Variants in CCSER1 observed in about 807,000 individuals in gnomAD.
The protein encoded by CCSER1 is coiled-coil serine rich protein 1, also known as serine-rich coiled-coil domain-containing protein 1.
A neutral mutation model predicts 82.0 loss-of-function variants in CCSER1; 41 were observed. The ratio of observed to expected loss-of-function variants is 0.50; its 90% CI spans 0.39 to 0.65. The LOEUF (loss-of-function observed/expected upper bound fraction) is 0.65. CCSER1 is among the 30% of genes least tolerant of loss of function. The pLI, the probability that CCSER1 is intolerant of heterozygous loss-of-function variation, is 0.00. For synonymous variants in CCSER1, 414 were observed against 383.9 expected (o/e 1.08, Z -0.92); for missense variants, 1,119 against 1,064.2 (o/e 1.05, Z -0.72).
At chr4:90,968,420 T>A (rs1734776376) in intron 9 of CCSER1, among the ~76,000 whole-genome samples, 1 of 152,006 alleles carries the variant, frequency 6.6e-6, no homozygotes, top group East Asian at 1.9e-4. Context: ...TGCAAACCTC[T>A]GAAGACTGTA....
chr4:90,154,242 C>G (rs541135848), intron 1 of CCSER1, among the ~76,000 whole-genome samples: 8 of 152,326 alleles, frequency 5.3e-5, no homozygotes, highest in South Asian at 2.1e-4. Context: ...ATCTATATCT[C>G]TGTTTTGGTA....
At chr4:90,562,500 G>C (rs1235229273) in intron 5 of CCSER1, among the ~76,000 whole-genome samples, 1 of 152,068 alleles carries the variant, frequency 6.6e-6, no homozygotes, top group Non-Finnish European at 1.5e-5. Flanking sequence ...GCAAAAAAAT[G>C]AGTGAAATTG....
chr4:90,180,615 G>A (rs1382801825), intron 1 of CCSER1, among the ~76,000 whole-genome samples: 3 of 151,820 alleles, frequency 2.0e-5, no homozygotes, highest in Non-Finnish European at 4.4e-5. Flanking sequence ...TTTATCTCCT[G>A]TCTAAAACTC....
intron 10 of CCSER1, among the ~76,000 whole-genome samples, chr4:91,507,609 CTT>C (rs55879886): frequency 6.7e-6 from 1 of 150,104 alleles, no homozygotes; most frequent in African/African-American, 2.4e-5. Context: ...ATTAGGTTGT[CTT>C]TTTTTTTGTT....
At chr4:91,313,135 A>C (rs1275380335) in intron 10 of CCSER1, among the ~76,000 whole-genome samples, 3 of 151,934 alleles carry the variant, frequency 2.0e-5, no homozygotes, top group African/African-American at 7.2e-5. Flanking sequence ...ATATGTATGA[A>C]CATTTTAAAA....
intron 10 of CCSER1, among the ~76,000 whole-genome samples, chr4:91,377,533 T>G (rs1750522319): frequency 6.6e-6 from 1 of 152,236 alleles, no homozygotes; most frequent in South Asian, 2.1e-4. Context: ...ATTTGTTGGC[T>G]GCATAAGTGT....
intron 9 of CCSER1, among the ~76,000 whole-genome samples, chr4:90,950,533 CACACAT>C (rs1056933243): frequency 3.1e-4 from 46 of 149,820 alleles, no homozygotes; most frequent in African/African-American, 1.1e-3. Context: ...CGTGCACACA[CACACAT>C]ACACACACGT....
Position 91,362,121 on chromosome 4 carries a change from G to A in CCSER1, c.2218-236451G>A, listed in dbSNP as rs898985403. Among the ~76,000 whole-genome samples, 19 of 151,810 alleles carry A rather than the reference G, an allele frequency of 1.3e-4. 1 individual carries two copies. The highest frequency in any genetic ancestry group is 2.7e-4 in the Non-Finnish European group (18 of 67,836). ...AGTGTGGCTGCAGAGAAGGAATCTA[G>A]GGAAGATAAGGTCAGAGAGATAGAA... On this transcript the variant is annotated intron_variant, in intron 10 of 10. Coordinates refer to ENST00000509176, the MANE Select transcript of CCSER1 (RefSeq NM_001145065.2).
chr4:91,444,323 T>C (rs1755410040), intron 10 of CCSER1, among the ~76,000 whole-genome samples: 1 of 152,218 alleles, frequency 6.6e-6, no homozygotes, highest in African/African-American at 2.4e-5. Context: ...ATAAACTTAC[T>C]ACTGCATATT....
chr4:90,429,916 T>G (rs1243236398), intron 4 of CCSER1, among the ~76,000 whole-genome samples: 1 of 151,862 alleles, frequency 6.6e-6, no homozygotes, highest in Non-Finnish European at 1.5e-5. Flanking sequence ...TTTAAAAATT[T>G]TGTTTCATAT....
chr4:91,025,743 G>A (rs1740433937), intron 9 of CCSER1, among the ~76,000 whole-genome samples: 1 of 152,084 alleles, frequency 6.6e-6, no homozygotes, highest in Non-Finnish European at 1.5e-5. Context: ...CTGTTGCAGT[G>A]GAACCCAAAT....
chr4:91,140,322 T>G (rs1386286977), intron 10 of CCSER1, among the ~76,000 whole-genome samples: 1 of 151,876 alleles, frequency 6.6e-6, no homozygotes, highest in Non-Finnish European at 1.5e-5. Flanking sequence ...ACTAAAATAT[T>G]AAATATATTT....
chr4:90,790,514 A>G (rs11097264), intron 7 of CCSER1, among the ~76,000 whole-genome samples: 81,905 of 151,836 alleles, frequency 0.54, 22,919 homozygotes, highest in African/African-American at 0.7. Context: ...TTTATCTTTT[A>G]CTAATTCCTT....
At chr4:90,705,290 T>C (rs541493996) in intron 6 of CCSER1, among the ~76,000 whole-genome samples, 1 of 152,288 alleles carries the variant, frequency 6.6e-6, no homozygotes, top group African/African-American at 2.4e-5. Context: ...GAACAGCAAA[T>C]ATTGCTGAAC....
intron 1 of CCSER1, among the ~76,000 whole-genome samples, chr4:90,220,658 CT>C (rs758669479): frequency 1.1e-4 from 16 of 152,202 alleles, no homozygotes; most frequent in Non-Finnish European, 2.4e-4. Context: ...CCTGGCCAAT[CT>C]TGTGCATTTG....
intron 3 of CCSER1, among the ~76,000 whole-genome samples, chr4:90,325,026 CT>C (rs1330926248): frequency 1.3e-5 from 2 of 152,252 alleles, no homozygotes; most frequent in Admixed American, 1.3e-4. Flanking sequence ...TTCCATTGAT[CT>C]ATATCTCTGT....
intron 10 of CCSER1, among the ~76,000 whole-genome samples, chr4:91,519,183 C>A (rs977640895): frequency 6.6e-6 from 1 of 152,156 alleles, no homozygotes; most frequent in Non-Finnish European, 1.5e-5. Context: ...AGGACAGGGA[C>A]CTGTATGGAG....
At chr4:90,139,449 T>C (rs559795932) in intron 1 of CCSER1, among the ~76,000 whole-genome samples, 32 of 152,366 alleles carry the variant, frequency 2.1e-4, no homozygotes, top group African/African-American at 7.5e-4. Context: ...TTCATGTTTT[T>C]GAAGTATATA....
intron 3 of CCSER1, among the ~76,000 whole-genome samples, chr4:90,322,267 T>C (rs1737293747): frequency 6.6e-6 from 1 of 152,174 alleles, no homozygotes; most frequent in Admixed American, 6.6e-5. Flanking sequence ...ATTGGCACTT[T>C]TGTTGAAAAT....
Sources: gnomAD v4.1 joint callset for allele counts (sites outside exome capture counted in the v4.1 genomes callset) on GRCh38, gnomAD v4.1.1 for gene constraint, MANE v1.5 for transcripts, NCBI Gene and HGNC (gene_info 2026-07-23, HGNC 2026-07-21) for gene names.